Variants in NOC4L observed in about 807,000 individuals in gnomAD.
NOC4L encodes nucleolar complex protein 4 homolog.
A neutral mutation model predicts 62.8 loss-of-function variants in NOC4L; 40 were observed. That is an observed-to-expected ratio of 0.64 (90% CI 0.49 to 0.83). The LOEUF (loss-of-function observed/expected upper bound fraction) is 0.83, where lower values mean the gene tolerates loss of function less well. Among genes scored for constraint, NOC4L ranks in the 40% least tolerant of loss-of-function variants. The pLI is 0.00. For synonymous variants in NOC4L, 433 were observed against 299.8 expected (o/e 1.44, Z -4.59); for missense variants, 927 against 701.9 (o/e 1.32, Z -3.62).
rs781096158 is a variant in NOC4L, at chr12:132,144,989, G to T, written c.238+15G>T. ...GGTCATGACAGGTGAGCCCTGGAGGGCCCCGGGGCTGCTCTTCTCTTTCCG... is the reference window on the plus strand; with the variant it reads ...GGTCATGACAGGTGAGCCCTGGAGGTCCCCGGGGCTGCTCTTCTCTTTCCG... On this transcript the variant is annotated intron_variant, in intron 2 of 14. Coordinates refer to ENST00000330579, the MANE Select transcript of NOC4L (RefSeq NM_024078.3). 2.5e-6 allele frequency: 4 copies of T among 1,585,292 alleles called. No homozygotes were observed. The South Asian group carries it at 3.4e-5, about 14-fold the overall frequency.
Position 132,151,066 on chromosome 12 carries a change from C to A in NOC4L, c.962+25C>A. 6.2e-7 allele frequency: 1 copy of A among 1,600,004 alleles called. No homozygotes were observed. The highest frequency in any genetic ancestry group is 8.5e-7 in the Non-Finnish European group (1 of 1,170,884). ...TGTGAGTGTCACCAGGGGTGCAGGT[C>A]TTCTTCCCAGTCTGCCCAGCCCTGC... is the stretch of plus-strand genomic sequence containing the variant. On this transcript the variant is annotated intron_variant, in intron 10 of 14. Coordinates refer to ENST00000330579, the MANE Select transcript of NOC4L (RefSeq NM_024078.3).
chr12:132,145,048 A>G, intron 2 of NOC4L, 74 bp downstream of exon 2: 1 of 1,502,904 alleles, frequency 6.7e-7, no homozygotes, highest in Non-Finnish European at 8.9e-7. Flanking sequence ...CCATGGGATG[A>G]GCGCCCCCAA....
chr12:132,147,686 C>G lies in NOC4L; in HGVS notation c.507C>G (p.Ser169=). ...SPEEDQSLLL[S]QFREYLDYDD... is the part of the protein sequence containing the mutation. ...AGGAGGACCAGAGCCTGCTCCTGTC[C>G]CAGTTCCGGGAGTACCTGGACTACG... is the stretch of plus-strand genomic sequence containing the variant. The change falls in exon 5 of 15, where the codon TCC becomes TCG. Residue 169 remains serine (S), a synonymous_variant. Transcript: ENST00000330579. The G allele has an allele frequency of 6.2e-7, 1 of 1,612,938 alleles. No homozygotes were observed. Among genetic ancestry groups the G allele is most frequent in the Non-Finnish European group, 8.5e-7 (1 of 1,179,956 alleles).
Position 132,147,426 on chromosome 12 carries a change from G to A in NOC4L, c.453+38G>A. On this transcript the variant is annotated intron_variant, in intron 4 of 14. Transcript: ENST00000330579. ...CTGGGGACTCCCAGAGGGCCTGGCT[G>A]GCTGGCCAGATCCCAGGATGGCCCC... The A allele has an allele frequency of 2.0e-6, 3 of 1,536,260 alleles. No homozygotes were observed. In the African/African-American group the frequency reaches 4.1e-5, roughly 21 times the overall value.
At position 132,150,984 on chromosome 12, in the gene NOC4L, G is replaced by C; in HGVS notation, c.905G>C (p.Gly302Ala). ...DFLTRACDLGGALSLLALNGL... is the reference protein window; with the variant it reads ...DFLTRACDLGAALSLLALNGL... ...GCCTGTGTCTGTCTGTCTGCAGGGGGGGCCCTCAGCCTCTTGGCCTTGAAC... is the reference window on the plus strand; with the variant it reads ...GCCTGTGTCTGTCTGTCTGCAGGGGCGGCCCTCAGCCTCTTGGCCTTGAAC... Residue 302 changes from glycine (G) to alanine (A), a missense_variant, in exon 10 of 15, where the codon GGG (glycine) becomes GCG (alanine). Gly to Ala is a moderately conservative substitution (Grantham distance 60). Coordinates refer to ENST00000330579, the MANE Select transcript of NOC4L (RefSeq NM_024078.3). The C allele has an allele frequency of 2.5e-6, 4 of 1,608,280 alleles. No individual in the cohort carries two copies. The highest frequency in any genetic ancestry group is 2.2e-5 in the South Asian group (2 of 90,368).
intron 8 of NOC4L, 49 bp from the exon 9 acceptor site, chr12:132,148,735 C>CCGGGGGGG: frequency 1.5e-6 from 2 of 1,309,282 alleles, no homozygotes; most frequent in African/African-American, 1.6e-5. Context: ...CCCGACCCGC[C>CCGGGGGGG]GGCCCCCGCC....
At chr12:132,144,792 G>T in intron 1 of NOC4L, 62 bp from the exon 2 acceptor site, 1 of 1,560,710 alleles carries the variant, frequency 6.4e-7, no homozygotes, top group South Asian at 1.2e-5. Flanking sequence ...GTTGGGGGCA[G>T]CCTAGGCAGG....
Position 132,152,165 on chromosome 12 carries a change from A to G in NOC4L, c.1399A>G (p.Ile467Val), listed in dbSNP as rs1873018801. 4 of 1,612,326 alleles carry G rather than the reference A, an allele frequency of 2.5e-6. No homozygotes were observed. The highest frequency in any genetic ancestry group is 2.2e-5 in the East Asian group (1 of 44,876). Residue 467 changes from isoleucine to valine, a missense_variant, in exon 14 of 15, where the codon ATC becomes GTC. Physicochemically the swap from Ile to Val is conservative, Grantham distance 29. Transcript: ENST00000330579. ...GGCCCTGTCCATGCCTGAGGTCAGC[A>G]TCGCGCCACTGCTGGAGCTCACGGC... Reference protein sequence around the residue: ...NQALSMPEVSIAPLLELTAYE... With the variant: ...NQALSMPEVSVAPLLELTAYE...
At chr12:132,151,995 C>T (rs369611552) in intron 13 of NOC4L, 89 bp from the exon 14 acceptor site, 1 of 1,361,694 alleles carries the variant, frequency 7.3e-7, no homozygotes, top group South Asian at 1.3e-5. Flanking sequence ...CGACCCCGCC[C>T]ACTCTGGTTG....
At chr12:132,146,813 G>A (rs576630373) in intron 3 of NOC4L, among the ~76,000 whole-genome samples, 6 of 152,150 alleles carry the variant, frequency 3.9e-5, no homozygotes, top group African/African-American at 7.2e-5. Context: ...CTGTCATCCC[G>A]CACGAGGCTC....
intron 10 of NOC4L, 22 bp from the exon 11 acceptor site, chr12:132,151,236 G>A (rs778063188): frequency 1.9e-6 from 3 of 1,593,784 alleles, no homozygotes; most frequent in Admixed American, 3.3e-5. Context: ...TCCATCCGCT[G>A]CTCCTTCCCC....
In NOC4L at chr12:132,151,296, T is replaced by C. The variant is rs1460958961; in HGVS notation, c.1001T>C (p.Leu334Ser). The C allele has an allele frequency of 1.2e-6, 2 of 1,612,052 alleles. No homozygotes were observed. The highest frequency in any genetic ancestry group is 3.3e-5 in the Admixed American group (2 of 60,030). ...TTCTACCGGAAGCTCTACGGCCTCT[T>C]GGACCCCTCTGTCTTTCACGTCAAG... ...PDFYRKLYGL[L>S]DPSVFHVKYR... is the part of the protein sequence containing the mutation. Residue 334 changes from leucine to serine, a missense_variant, in exon 11 of 15, where the codon TTG becomes TCG. Physicochemically the swap from Leu to Ser is moderately radical, Grantham distance 145. Transcript: ENST00000330579.
chr12:132,147,124 C>A (rs1897753722), intron 3 of NOC4L, among the ~76,000 whole-genome samples, 157 bp from the exon 4 acceptor site: 1 of 152,156 alleles, frequency 6.6e-6, no homozygotes, highest in Non-Finnish European at 1.5e-5. Context: ...ACACGGAAGC[C>A]CAGAGTGGCA....
At chr12:132,152,013 A>C in intron 13 of NOC4L, 71 bp from the exon 14 acceptor site, 1 of 1,441,770 alleles carries the variant, frequency 6.9e-7, no homozygotes. Context: ...TTGGGAGCAC[A>C]GGGAGGCCAT....
rs977161468 is a variant in NOC4L, at chr12:132,148,085, C to T, written c.717C>T (p.Thr239=). The T allele has an allele frequency of 1.2e-6, 2 of 1,613,494 alleles. No homozygotes were observed. Among genetic ancestry groups the T allele is most frequent in the Non-Finnish European group, 1.7e-6 (2 of 1,179,978 alleles). ...CTTTCCCTGCAGAGCTGTGGGACAC[C>T]TGGAAGGTTGCTCACCTGAAGGTGA... is the stretch of plus-strand genomic sequence containing the variant. ...FYVKRAELWD[T]WKVAHLKEHR... The change falls in exon 7 of 15, where the codon ACC becomes ACT. Residue 239 remains threonine, a synonymous_variant. Coordinates refer to ENST00000330579, the MANE Select transcript of NOC4L (RefSeq NM_024078.3).
At position 132,147,331 on chromosome 12, in the gene NOC4L, C is replaced by G. The variant is rs199832336; in HGVS notation, c.396C>G (p.His132Gln). The change falls in exon 4 of 15, where the codon CAC becomes CAG. Residue 132 changes from histidine (H) to glutamine (Q), a missense_variant. Transcript: ENST00000330579. ...LLKFVQLEGA[H>Q]PLEKSKWEGN... The stretch of plus-strand genomic sequence containing the variant: ...AGTTCGTGCAGCTGGAAGGAGCGCA[C>G]CCCCTGGAGAAGTCCAAGTGGGAAG... The G allele has an allele frequency of 1.6e-5, 25 of 1,594,544 alleles. No individual in the cohort carries two copies. In the East Asian group the frequency reaches 5.7e-4, roughly 36 times the overall value.
intron 10 of NOC4L, 75 bp from the exon 11 acceptor site, chr12:132,151,183 G>C (rs374070619): frequency 6.9e-7 from 1 of 1,446,308 alleles, no homozygotes; most frequent in Admixed American, 1.7e-5. Context: ...AAGGGGCGCC[G>C]AGTGAGACCC....
intron 7 of NOC4L, 74 bp from the exon 8 acceptor site, chr12:132,148,535 G>C: frequency 2.0e-6 from 3 of 1,506,354 alleles, no homozygotes; most frequent in South Asian, 2.4e-5. Context: ...CTGGGCTTCG[G>C]GGTGCCCTGG....
At chr12:132,147,842 G>A in intron 5 of NOC4L, 38 bp from the exon 6 acceptor site, 2 of 1,609,678 alleles carry the variant, frequency 1.2e-6, no homozygotes, top group Middle Eastern at 1.7e-4. Flanking sequence ...GGCAGGGACT[G>A]GGGGGCGGCG....
Sources: gnomAD v4.1 joint callset for allele counts (sites outside exome capture counted in the v4.1 genomes callset) on GRCh38, gnomAD v4.1.1 for gene constraint, MANE v1.5 for transcripts, NCBI Gene and HGNC (gene_info 2026-07-23, HGNC 2026-07-21) for gene names.